The following LRRC74A variants were observed in gnomAD, a reference collection of about 807,000 sequenced individuals.
LRRC74A encodes the protein leucine rich repeat containing 74A.
LRRC74A carries 44 observed loss-of-function variants against 57.9 expected under a neutral mutation model. The ratio of observed to expected loss-of-function variants is 0.76; its 90% CI spans 0.60 to 0.98. The LOEUF is 0.98. Ranked by LOEUF, LRRC74A falls within the 50% of genes least tolerant of loss-of-function variation. The pLI, the probability that LRRC74A is intolerant of heterozygous loss-of-function variation, is 0.00. For missense variants in LRRC74A, 572 were observed against 574.0 expected, an observed-to-expected ratio of 1.00 and a Z score of 0.04; for synonymous variants, 211 against 219.4, an observed-to-expected ratio of 0.96 and a Z score of 0.34.
intron 5 of LRRC74A, among the ~76,000 whole-genome samples, chr14:76,839,599 G>C (rs1372410209): frequency 6.6e-6 from 1 of 152,102 alleles, no homozygotes. Context: ...CTTTGTTACT[G>C]TTACACATTC....
chr14:76,848,049 C>T (rs7157148), intron 7 of LRRC74A, among the ~76,000 whole-genome samples: 136,727 of 150,830 alleles, frequency 0.91, 62,143 homozygotes, highest in Non-Finnish European at 0.94. Flanking sequence ...GGTGTGCGCC[C>T]GTAATCCCAG....
chr14:76,845,197 A>C (rs1179042941), intron 7 of LRRC74A, among the ~76,000 whole-genome samples: 1 of 151,970 alleles, frequency 6.6e-6, no homozygotes, highest in African/African-American at 2.4e-5. Flanking sequence ...GGTGGTGCAC[A>C]CCTGTAATCC....
chr14:76,867,737 A>T (rs1899058466), intron 13 of LRRC74A, among the ~76,000 whole-genome samples: 1 of 152,076 alleles, frequency 6.6e-6, no homozygotes, highest in Non-Finnish European at 1.5e-5. Flanking sequence ...AAGGGAGCAG[A>T]TCTTTATGCC....
At chr14:76,864,382 T>A (rs1472060946) in intron 11 of LRRC74A, among the ~76,000 whole-genome samples, 43 of 103,280 alleles carry the variant, frequency 4.2e-4, no homozygotes, top group African/African-American at 1.6e-3. Flanking sequence ...AGTAGGACGC[T>A]GTCTGGGAGT....
chr14:76,867,515 C>A, intron 13 of LRRC74A, 77 bp downstream of exon 13: 1 of 752,552 alleles, frequency 1.3e-6, no homozygotes, highest in African/African-American at 1.7e-5. Flanking sequence ...CTCCAGCTTT[C>A]CTGTCTACAC....
At chr14:76,864,154 G>A (rs888638213) in intron 11 of LRRC74A, among the ~76,000 whole-genome samples, 4 of 152,168 alleles carry the variant, frequency 2.6e-5, no homozygotes, top group East Asian at 1.9e-4. Context: ...TTCAGAGCAC[G>A]AGGTGCACTT....
intron 7 of LRRC74A, among the ~76,000 whole-genome samples, chr14:76,850,844 CAAAAAAAA>C (rs36208311): frequency 0.011 from 1,498 of 130,928 alleles, 25 homozygotes; most frequent in African/African-American, 0.037. Flanking sequence ...AACTCTGTCT[CAAAAAAAA>C]AAAAAAAAAA....
At chr14:76,846,895 T>C (rs1051961919) in intron 7 of LRRC74A, among the ~76,000 whole-genome samples, 4 of 152,106 alleles carry the variant, frequency 2.6e-5, no homozygotes, top group African/African-American at 9.7e-5. Flanking sequence ...GGTGAAGAGA[T>C]CAGGGCTGAA....
At chr14:76,832,546 G>C (rs1156305236) in intron 3 of LRRC74A, among the ~76,000 whole-genome samples, 2 of 152,192 alleles carry the variant, frequency 1.3e-5, no homozygotes, top group African/African-American at 2.4e-5. Flanking sequence ...GGGCTCAGGT[G>C]ATCCACCCAC....
chr14:76,837,235 T>C (rs796547878), intron 4 of LRRC74A, among the ~76,000 whole-genome samples: 7 of 152,326 alleles, frequency 4.6e-5, no homozygotes, highest in African/African-American at 1.7e-4. Flanking sequence ...TAAAAGACAA[T>C]GTGCCTAGAG....
At chr14:76,859,305 C>T (rs927179569) in intron 10 of LRRC74A, among the ~76,000 whole-genome samples, 10 of 152,024 alleles carry the variant, frequency 6.6e-5, no homozygotes, top group Admixed American at 1.3e-4. Context: ...GAGGCCGAGG[C>T]GGGTGGATCA....
intron 11 of LRRC74A, among the ~76,000 whole-genome samples, chr14:76,864,420 G>T (rs1405815862): frequency 1.6e-5 from 2 of 123,346 alleles, no homozygotes; most frequent in Non-Finnish European, 1.7e-5. Context: ...AGGGGGGGGG[G>T]GGGTGGCGGG....
chr14:76,838,955 A>G (rs1252232518), intron 5 of LRRC74A, among the ~76,000 whole-genome samples: 9 of 152,210 alleles, frequency 5.9e-5, no homozygotes, highest in East Asian at 1.9e-4. Context: ...TTGTTCTCCA[A>G]TTTTTCTTGT....
At chr14:76,832,889 G>A (rs767582201) in intron 3 of LRRC74A, among the ~76,000 whole-genome samples, 3 of 152,154 alleles carry the variant, frequency 2.0e-5, no homozygotes, top group African/African-American at 4.8e-5. Context: ...GGGGCAACAG[G>A]CAGCAAACAA....
intron 11 of LRRC74A, among the ~76,000 whole-genome samples, chr14:76,863,612 CT>C (rs1214688553): frequency 6.6e-6 from 1 of 152,216 alleles, no homozygotes; most frequent in African/African-American, 2.4e-5. Context: ...GCATTGCAAC[CT>C]GTGAACTCCT....
At chr14:76,864,414 G>T (rs1397208506) in intron 11 of LRRC74A, among the ~76,000 whole-genome samples, 33 of 46,530 alleles carry the variant, frequency 7.1e-4, no homozygotes, top group African/African-American at 3.6e-3. Context: ...AGAGGAAGGG[G>T]GGGGGGGGGT....
chr14:76,847,541 G>A lies in LRRC74A; in HGVS notation c.676+2640G>A, dbSNP rs190119396. Among the ~76,000 whole-genome samples the A allele has an allele frequency of 1.6e-3, 237 of 151,810 alleles. 1 individual carries two copies. Among genetic ancestry groups the A allele is most frequent in the Admixed American group, 5.4e-3 (83 of 15,240 alleles). ...ACAGACACTGGGGGACTAACTGAGG[G>A]TGGAGGGAGGGAGGAGGGAGAGGAA... On this transcript the variant is annotated intron_variant, in intron 7 of 13. Transcript: ENST00000689127.
intron 2 of LRRC74A, chr14:76,829,112 C>G (rs545770513): frequency 1.6e-6 from 2 of 1,289,280 alleles, no homozygotes; most frequent in Non-Finnish European, 2.0e-6. Context: ...AGGGAAGCAC[C>G]GAAAGAGAAC....
At chr14:76,866,916 G>A (rs1433569536) in intron 12 of LRRC74A, among the ~76,000 whole-genome samples, 12 of 137,070 alleles carry the variant, frequency 8.8e-5, no homozygotes, top group African/African-American at 3.4e-4. Context: ...ATTGTGTGGG[G>A]TGTGTGTGTT....
Sources: gnomAD v4.1 joint callset for allele counts (sites outside exome capture counted in the v4.1 genomes callset) on GRCh38, gnomAD v4.1.1 for gene constraint, MANE v1.5 for transcripts, NCBI Gene and HGNC (gene_info 2026-07-23, HGNC 2026-07-21) for gene names.